Variants in FIBCD1 observed in about 807,000 individuals in gnomAD.
FIBCD1 encodes fibrinogen C domain-containing protein 1.
FIBCD1 carries 47 observed loss-of-function variants against 45.1 expected under a neutral mutation model. The observed-to-expected ratio is 1.04, with a 90% CI of 0.82 to 1.33. FIBCD1 has a LOEUF of 1.33. FIBCD1 is among the 40% of genes most tolerant of loss of function. The pLI is 0.00. For synonymous variants in FIBCD1, 313 were observed against 308.1 expected (o/e 1.02, Z -0.17); for missense variants, 653 against 682.2 (o/e 0.96, Z 0.48).
chr9:130,917,052 C>G (rs144119956), intron 4 of FIBCD1, among the ~76,000 whole-genome samples: 2,883 of 152,284 alleles, frequency 0.019, 57 homozygotes, highest in South Asian at 0.067. Context: ...GAGCCAAGAT[C>G]ACACCACTGC....
intron 1 of FIBCD1, among the ~76,000 whole-genome samples, chr9:130,931,837 A>G (rs952401522): frequency 6.6e-6 from 1 of 152,058 alleles, no homozygotes; most frequent in Admixed American, 6.5e-5. Context: ...AATTTCCTCA[A>G]CTCTCAGACA....
rs1832288124 is a variant in FIBCD1 at position 130,922,986 on chromosome 9, GC to G, written c.849+757del. Among the ~76,000 whole-genome samples, 19 of 152,218 alleles carry G rather than the reference GC, an allele frequency of 1.2e-4. No individual in the cohort carries two copies. The South Asian group carries it at 3.5e-3, about 28-fold the overall frequency. ...TACAGTGACTTCTTCCGCCCCCAAT[GC>G]CCCCTGGCGTGTAAATTCCTCGGGA... On this transcript the variant is annotated intron_variant, in intron 4 of 6. Coordinates refer to ENST00000372338, the MANE Select transcript of FIBCD1 (RefSeq NM_032843.5). The surrounding 1 kb of genome is among the most constrained non-coding windows in gnomAD (Gnocchi z 4.5).
At chr9:130,938,185 A>G in intron 1 of FIBCD1, 1 of 227,140 alleles carries the variant, frequency 4.4e-6, no homozygotes, top group Non-Finnish European at 8.7e-6. Context: ...AGAGGTGAGG[A>G]AACGGAGACT....
Position 130,903,070 on chromosome 9 carries a change from G to A in FIBCD1, c.*994C>T, listed in dbSNP as rs1312001125. On this transcript the variant is annotated 3_prime_UTR_variant, in exon 7 of 7. Transcript: ENST00000372338. ...CTCCTCATGGAGACAGCCACCTCAGGGAAGGGGTCATCACCCCCAAGGCCC... is the reference window on the plus strand; with the variant it reads ...CTCCTCATGGAGACAGCCACCTCAGAGAAGGGGTCATCACCCCCAAGGCCC... 6.6e-6 allele frequency: 1 copy of A among 152,344 alleles called. No individual in the cohort carries two copies. Among genetic ancestry groups the A allele is most frequent in the Non-Finnish European group, 1.5e-5 (1 of 68,128 alleles). The allele number at this position is 152,344 out of a possible 1,614,324, so 9.4% of individuals were successfully genotyped here.
In FIBCD1 at chr9:130,903,758, A is replaced by G. The variant is rs2133061945; in HGVS notation, c.*306T>C. On this transcript the variant is annotated 3_prime_UTR_variant, in exon 7 of 7. Coordinates refer to ENST00000372338, the MANE Select transcript of FIBCD1 (RefSeq NM_032843.5). ...TGGGGCAGACTCCACCATCCTGGCC[A>G]GGGGACGGCAAACAGCACCGGAGTC... 1 of 497,522 alleles carries G rather than the reference A, an allele frequency of 2.0e-6. No homozygotes were observed. Among genetic ancestry groups the G allele is most frequent in the East Asian group, 3.7e-5 (1 of 26,892 alleles). The allele number at this position is 497,522 out of a possible 1,614,324, so 30.8% of individuals were successfully genotyped here.
At chr9:130,907,570 TG>T (rs1431306906) in intron 5 of FIBCD1, among the ~76,000 whole-genome samples, 2 of 152,180 alleles carry the variant, frequency 1.3e-5, no homozygotes. Context: ...GACTTCCAGC[TG>T]GACTAAAGCT....
intron 4 of FIBCD1, among the ~76,000 whole-genome samples, chr9:130,914,347 G>A (rs189007510): frequency 6.6e-6 from 1 of 152,338 alleles, no homozygotes; most frequent in East Asian, 1.9e-4. Context: ...TGCCCTTGGG[G>A]ACCTTAGGGC....
At chr9:130,911,087 G>A (rs970607200) in intron 5 of FIBCD1, among the ~76,000 whole-genome samples, 2 of 152,196 alleles carry the variant, frequency 1.3e-5, no homozygotes, top group Non-Finnish European at 2.9e-5. Flanking sequence ...ACCCGCTCAG[G>A]TTCCCTCCTG....
At chr9:130,911,009 C>T (rs1256772342) in intron 5 of FIBCD1, among the ~76,000 whole-genome samples, 1 of 152,210 alleles carries the variant, frequency 6.6e-6, no homozygotes, top group African/African-American at 2.4e-5. Context: ...CTGGGCTCTA[C>T]CAAGCAGCAG....
chr9:130,911,124 C>T (rs1832030941), intron 5 of FIBCD1, among the ~76,000 whole-genome samples: 1 of 152,174 alleles, frequency 6.6e-6, no homozygotes, highest in African/African-American at 2.4e-5. Context: ...TTCTTTCACT[C>T]TTTGGGTCCA....
At position 130,924,178 on chromosome 9, in the gene FIBCD1, C is replaced by T. The variant is rs990350612; in HGVS notation, c.712+59G>A. On this transcript the variant is annotated intron_variant, in intron 3 of 6. Transcript: ENST00000372338. ...GCTGGGGAACCCTCACCCCAACTTC[C>T]CCGCTCCCCAGAGCTGGGACCCGAG... 6 of 1,487,288 alleles carry T rather than the reference C, an allele frequency of 4.0e-6. No individual in the cohort carries two copies. The South Asian group carries it at 8.2e-5, about 20-fold the overall frequency. The allele number at this position is 1,487,288 out of a possible 1,614,324, so 92.1% of individuals were successfully genotyped here. A position where few individuals can be genotyped will look rare whatever the true frequency, so the allele number is the denominator to read the frequency against.
chr9:130,938,736 C>T lies in FIBCD1; in HGVS notation c.-129G>A, dbSNP rs1236110033. The T allele has an allele frequency of 1.8e-5, 6 of 334,530 alleles. No individual in the cohort carries two copies. Among genetic ancestry groups the T allele is most frequent in the African/African-American group, 9.0e-5 (4 of 44,546 alleles). 20.7% of individuals were successfully genotyped at this position (334,530 alleles called of 1,614,324 possible). On this transcript the variant is annotated 5_prime_UTR_variant, in exon 1 of 7. Transcript: ENST00000372338. The stretch of plus-strand genomic sequence containing the variant: ...GGGTCCCCGCCTCTGTGCCCCGCGC[C>T]GGGGCGGCCCGGGAGCGGGCGGGCG...
At chr9:130,909,255 GCGC>G (rs2133071689) in intron 5 of FIBCD1, among the ~76,000 whole-genome samples, 1 of 148,082 alleles carries the variant, frequency 6.8e-6, no homozygotes, top group Non-Finnish European at 1.5e-5. Flanking sequence ...CCCACCCAAG[GCGC>G]CCCCTCCGCC....
chr9:130,917,391 C>T, intron 4 of FIBCD1, among the ~76,000 whole-genome samples: 1 of 152,146 alleles, frequency 6.6e-6, no homozygotes, highest in East Asian at 1.9e-4. Context: ...AGAGCTGGGC[C>T]CACATGGTCC....
chr9:130,938,647 CGCT>C lies in FIBCD1; in HGVS notation c.-43_-41del. 2 of 1,367,698 alleles carry C rather than the reference CGCT, an allele frequency of 1.5e-6. No homozygotes were observed. The highest frequency in any genetic ancestry group is 1.9e-6 in the Non-Finnish European group (2 of 1,052,298). 84.7% of individuals were successfully genotyped at this position (1,367,698 alleles called of 1,614,324 possible). On this transcript the variant is annotated 5_prime_UTR_variant, in exon 1 of 7. Transcript: ENST00000372338. Reference sequence around the variant, plus strand: ...GGCGGGGGCGCCGGGCGAGGCGCGCCGCTGCGGAGCGCAAAGGAGACGGGGTGG... The same window carrying C: ...GGCGGGGGCGCCGGGCGAGGCGCGCCGCGGAGCGCAAAGGAGACGGGGTGG...
intron 4 of FIBCD1, among the ~76,000 whole-genome samples, chr9:130,916,096 G>GT (rs1832155825): frequency 6.6e-6 from 1 of 152,064 alleles, no homozygotes; most frequent in Non-Finnish European, 1.5e-5. Flanking sequence ...GCCCGGCTAA[G>GT]TTTTTTGTAT....
At chr9:130,930,846 G>A (rs1832438176) in intron 1 of FIBCD1, 1 of 455,698 alleles carries the variant, frequency 2.2e-6, no homozygotes, top group African/African-American at 2.0e-5. Flanking sequence ...ACACTGGTCA[G>A]AGAGAGCTGT....
chr9:130,929,832 G>A lies in FIBCD1; in HGVS notation c.287C>T (p.Pro96Leu), dbSNP rs1418797812. 2.6e-6 allele frequency: 4 copies of A among 1,549,836 alleles called. No individual in the cohort carries two copies. Among genetic ancestry groups the A allele is most frequent in the East Asian group, 2.4e-5 (1 of 40,940 alleles). The part of the protein sequence containing the change: ...DSSHLSILID[P>L]RCPDLTDSFA... ...GCTGTCGGTGAGGTCGGGGCAGCGC[G>A]GGTCAATGAGGATGCTGAGGTGCGA... Residue 96 changes from proline (P) to leucine (L), a missense_variant, in exon 2 of 7, where the codon CCG becomes CTG. Transcript: ENST00000372338.
At chr9:130,914,512 G>A (rs1832121485) in intron 4 of FIBCD1, among the ~76,000 whole-genome samples, 4 of 152,224 alleles carry the variant, frequency 2.6e-5, no homozygotes, top group Admixed American at 2.0e-4. Flanking sequence ...GGGCGGGGCA[G>A]AAAATGCAGG....
Sources: gnomAD v4.1 joint callset for allele counts (sites outside exome capture counted in the v4.1 genomes callset) on GRCh38, gnomAD v4.1.1 for gene constraint, Gnocchi (gnomAD v3.1) non-coding constraint, MANE v1.5 for transcripts, NCBI Gene and HGNC (gene_info 2026-07-23, HGNC 2026-07-21) for gene names.